The following TRAPPC12 variants were observed in gnomAD, a reference collection of about 807,000 sequenced individuals.
The protein encoded by TRAPPC12 is TPR repeat protein 15.
Under a neutral mutation model 69.2 loss-of-function variants are expected in TRAPPC12, and 61 were observed. The observed-to-expected ratio is 0.88, with a 90% CI of 0.72 to 1.09. The LOEUF (loss-of-function observed/expected upper bound fraction) is 1.09, where lower values mean the gene tolerates loss of function less well. Ranked by LOEUF, TRAPPC12 falls within the 50% of genes least tolerant of loss-of-function variation. The probability of loss-of-function intolerance (pLI) is 0.00; values close to 1 mark genes in which losing one functional copy is unlikely to be tolerated. For missense variants in TRAPPC12, 1,101 were observed against 1,016.4 expected (o/e 1.08, Z -1.13); for synonymous variants, 469 against 438.9 (o/e 1.07, Z -0.86).
chr2:3,441,648 CAA>C (rs1260457874), intron 5 of TRAPPC12, among the ~76,000 whole-genome samples: 1 of 139,590 alleles, frequency 7.2e-6, no homozygotes, highest in Non-Finnish European at 1.6e-5. Context: ...TATTATAATA[CAA>C]TAATATTTTT....
rs185105679 is a variant in TRAPPC12 at position 3,407,216 on chromosome 2, A to T, written c.1164+5323A>T. 2.6e-5 allele frequency among the ~76,000 whole-genome samples: 4 copies of T among 152,308 alleles called. No individual in the cohort carries two copies. The East Asian group carries it at 7.7e-4, about 29-fold the overall frequency. On this transcript the variant is annotated intron_variant, in intron 3 of 11. Transcript: ENST00000324266. ...GGTAATAATTCCCTTTGAGTCTTAG[A>T]TGGAGAAAAGTTATGTACATGCCAT...
intron 5 of TRAPPC12, among the ~76,000 whole-genome samples, chr2:3,432,897 A>G (rs1413062678): frequency 2.6e-5 from 4 of 152,236 alleles, no homozygotes; most frequent in African/African-American, 9.6e-5. Context: ...TGGATTGCAC[A>G]TGACTGTGGC....
At chr2:3,425,090 A>T (rs1663029097) in intron 5 of TRAPPC12, among the ~76,000 whole-genome samples, 1 of 152,210 alleles carries the variant, frequency 6.6e-6, no homozygotes, top group Non-Finnish European at 1.5e-5. Context: ...GATTTAATTT[A>T]TTTTAAAAAT....
At chr2:3,399,696 C>T (rs1661317544) in intron 2 of TRAPPC12, among the ~76,000 whole-genome samples, 1 of 152,152 alleles carries the variant, frequency 6.6e-6, no homozygotes, top group Non-Finnish European at 1.5e-5. Context: ...CTCTTGCTCT[C>T]ATGGTCTAGA....
chr2:3,466,751 C>T (rs1665832483), intron 9 of TRAPPC12, among the ~76,000 whole-genome samples: 1 of 152,176 alleles, frequency 6.6e-6, no homozygotes, highest in South Asian at 2.1e-4. Flanking sequence ...ATGACTGTCA[C>T]TGAATAACCC....
chr2:3,412,294 C>G (rs903544757), intron 3 of TRAPPC12, among the ~76,000 whole-genome samples: 4 of 152,296 alleles, frequency 2.6e-5, no homozygotes, highest in Admixed American at 2.6e-4. Context: ...GACATGGTGG[C>G]TCACACCTTT....
intron 7 of TRAPPC12, 50 bp downstream of exon 7, chr2:3,457,743 A>G (rs760617499): frequency 1.2e-6 from 2 of 1,601,258 alleles, no homozygotes; most frequent in Non-Finnish European, 1.7e-6. Flanking sequence ...CATCACTGAC[A>G]GACTGAGCCC....
chr2:3,423,965 C>T (rs1662959998), intron 4 of TRAPPC12, among the ~76,000 whole-genome samples: 1 of 152,176 alleles, frequency 6.6e-6, no homozygotes, highest in Non-Finnish European at 1.5e-5. Context: ...CAGACCCTTC[C>T]TTAGCCTGTG....
chr2:3,466,911 CT>C (rs1665840995), intron 9 of TRAPPC12, among the ~76,000 whole-genome samples: 1 of 152,214 alleles, frequency 6.6e-6, no homozygotes. Context: ...ACATTATCCC[CT>C]GGTTATCATA....
intron 9 of TRAPPC12, among the ~76,000 whole-genome samples, chr2:3,475,423 C>T (rs1227985904): frequency 1.5e-5 from 2 of 135,200 alleles, no homozygotes; most frequent in Non-Finnish European, 3.3e-5. Context: ...ACTGTATTTC[C>T]TTTTTAATAG....
chr2:3,451,800 C>T (rs2103119857), intron 6 of TRAPPC12, among the ~76,000 whole-genome samples: 1 of 152,306 alleles, frequency 6.6e-6, no homozygotes. Context: ...CTACAGCTGA[C>T]TATAAGCGTG....
At chr2:3,462,370 A>C (rs1238628820) in intron 8 of TRAPPC12, among the ~76,000 whole-genome samples, 2 of 152,230 alleles carry the variant, frequency 1.3e-5, no homozygotes, top group Non-Finnish European at 2.9e-5. Flanking sequence ...CATGAGTTAA[A>C]AAAAGGAGGC....
At chr2:3,403,249 T>TTTTG (rs1661554579) in intron 3 of TRAPPC12, among the ~76,000 whole-genome samples, 1 of 150,530 alleles carries the variant, frequency 6.6e-6, no homozygotes, top group Non-Finnish European at 1.5e-5. Context: ...TTTTTTTTTT[T>TTTTG]GAGATGGAGT....
At chr2:3,471,141 G>A (rs572110867) in intron 9 of TRAPPC12, among the ~76,000 whole-genome samples, 66 of 152,328 alleles carry the variant, frequency 4.3e-4, no homozygotes, top group Admixed American at 8.5e-4. Flanking sequence ...TTAGGCCTCC[G>A]AGGAGCTGAC....
chr2:3,424,611 T>A lies in TRAPPC12; in HGVS notation c.1365T>A (p.Asp455Glu). The A allele has an allele frequency of 6.2e-7, 1 of 1,614,150 alleles. No homozygotes were observed. Among genetic ancestry groups the A allele is most frequent in the Non-Finnish European group, 8.5e-7 (1 of 1,180,010 alleles). The change falls in exon 5 of 12, where the codon GAT (aspartate) becomes GAA (glutamate). Residue 455 changes from aspartate (D) to glutamate (E), a missense_variant. Transcript: ENST00000324266. ...AATTTGAACCCTTCGGAAATCTTGA[T>A]CAGCCAGATCTTTATTACGAGTACT... ...EMEFEPFGNL[D>E]QPDLYYEYYP...
chr2:3,475,046 T>G (rs958144516), intron 9 of TRAPPC12, among the ~76,000 whole-genome samples: 1 of 152,222 alleles, frequency 6.6e-6, no homozygotes, highest in African/African-American at 2.4e-5. Context: ...TATTTCTACT[T>G]TTACATTTCT....
chr2:3,418,779 G>C (rs149944682), intron 3 of TRAPPC12, among the ~76,000 whole-genome samples: 1 of 152,140 alleles, frequency 6.6e-6, no homozygotes, highest in African/African-American at 2.4e-5. Flanking sequence ...CTACACGGAC[G>C]CCTTAAGTTC....
intron 3 of TRAPPC12, among the ~76,000 whole-genome samples, chr2:3,411,756 A>G (rs1223175902): frequency 6.6e-6 from 1 of 152,238 alleles, no homozygotes; most frequent in East Asian, 1.9e-4. Flanking sequence ...CTTATACAGA[A>G]TTCTACATAT....
intron 1 of TRAPPC12, among the ~76,000 whole-genome samples, chr2:3,381,514 A>G (rs1660208848): frequency 6.6e-6 from 1 of 152,344 alleles, no homozygotes; most frequent in Non-Finnish European, 1.5e-5. Flanking sequence ...CTGCACTGTG[A>G]TGTAAAGCTT....
Sources: allele counts gnomAD v4.1 joint callset (sites outside exome capture counted in the v4.1 genomes callset), GRCh38; gene constraint gnomAD v4.1.1; transcripts MANE v1.5; gene names NCBI Gene and HGNC (gene_info 2026-07-23, HGNC 2026-07-21).